Variants in PLXNA2 observed in about 807,000 individuals in gnomAD.
PLXNA2 encodes the protein plexin-A2.
PLXNA2 carries 91 observed loss-of-function variants against 193.5 expected under a neutral mutation model. The ratio of observed to expected loss-of-function variants is 0.47; its 90% CI spans 0.40 to 0.56. The LOEUF is 0.56. Ranked by LOEUF, PLXNA2 falls within the 20% of genes least tolerant of loss-of-function variation. The probability of loss-of-function intolerance (pLI) is 0.00; values close to 1 mark genes in which losing one functional copy is unlikely to be tolerated. For missense variants in PLXNA2, 1,995 were observed against 2,503.2 expected (o/e 0.80, Z 4.33); for synonymous variants, 997 against 1,027.3 (o/e 0.97, Z 0.56).
intron 2 of PLXNA2, among the ~76,000 whole-genome samples, chr1:208,211,209 T>C (rs987995057): frequency 6.6e-6 from 1 of 152,242 alleles, no homozygotes; most frequent in African/African-American, 2.4e-5. Flanking sequence ...TTGTGTTAAG[T>C]TGTCCAACTC....
At chr1:208,139,484 C>G (rs1203022462) in intron 4 of PLXNA2, among the ~76,000 whole-genome samples, 1 of 152,126 alleles carries the variant, frequency 6.6e-6, no homozygotes, top group Admixed American at 6.5e-5. Flanking sequence ...AAGAAATTCC[C>G]CCTTTATTGT....
At chr1:208,222,470 A>G (rs1671370012) in intron 1 of PLXNA2, among the ~76,000 whole-genome samples, 1 of 152,136 alleles carries the variant, frequency 6.6e-6, no homozygotes, top group African/African-American at 2.4e-5. Context: ...AGGAGAGGCC[A>G]CGCTTGCCTC....
chr1:208,035,929 G>A (rs1558156959), intron 26 of PLXNA2, among the ~76,000 whole-genome samples: 1 of 152,198 alleles, frequency 6.6e-6, no homozygotes, highest in Non-Finnish European at 1.5e-5. Context: ...AGCCTGGGAA[G>A]TTTTTTAACA....
rs759059260 is a variant in PLXNA2, at chr1:208,051,083, T to C, written c.3181A>G (p.Ile1061Val). 3.1e-6 allele frequency: 5 copies of C among 1,614,102 alleles called. No homozygotes were observed. Among genetic ancestry groups the C allele is most frequent in the Admixed American group, 1.7e-5 (1 of 60,020 alleles). ...SIASGHTPLT[I>V]TGFNLDVIQE... ...ATGACATCCAGGTTGAAGCCTGTGA[T>C]GGTCAGGGGTGTGTGGCCACTGAAA... The change falls in exon 17 of 32, where the codon ATC (isoleucine) becomes GTC (valine). Residue 1061 changes from isoleucine (I) to valine (V), a missense_variant. Ile to Val is a conservative substitution (Grantham distance 29). This residue lies in a region of PLXNA2 where 1,291 missense variants were observed against 1,673.6 expected (regional missense o/e 0.77). Coordinates refer to ENST00000367033, the MANE Select transcript of PLXNA2 (RefSeq NM_025179.4).
intron 26 of PLXNA2, among the ~76,000 whole-genome samples, chr1:208,035,517 G>C (rs564468184): frequency 3.9e-5 from 6 of 152,164 alleles, no homozygotes; most frequent in Non-Finnish European, 7.3e-5. Context: ...CTGCAGGAGA[G>C]GGCGGATAAG....
chr1:208,167,839 C>T (rs1669359407), intron 3 of PLXNA2, among the ~76,000 whole-genome samples: 1 of 152,212 alleles, frequency 6.6e-6, no homozygotes, highest in Non-Finnish European at 1.5e-5. Flanking sequence ...CACACATACA[C>T]AGACTCAGCA....
intron 3 of PLXNA2, among the ~76,000 whole-genome samples, chr1:208,155,098 C>T (rs1668897095): frequency 2.0e-5 from 3 of 152,086 alleles, no homozygotes; most frequent in South Asian, 2.1e-4. Context: ...GGAGGAGGAG[C>T]GGGAGGCAGC....
intron 17 of PLXNA2, among the ~76,000 whole-genome samples, chr1:208,050,493 A>G (rs1158054129): frequency 6.6e-6 from 1 of 152,220 alleles, no homozygotes; most frequent in African/African-American, 2.4e-5. Context: ...TGATACACTC[A>G]CTATATCACC....
intron 12 of PLXNA2, among the ~76,000 whole-genome samples, chr1:208,077,843 G>A (rs144247000): frequency 7.8e-4 from 119 of 152,282 alleles, no homozygotes; most frequent in African/African-American, 2.8e-3. Flanking sequence ...TTGAAAGGCA[G>A]TGTCTGTGCT....
intron 1 of PLXNA2, among the ~76,000 whole-genome samples, chr1:208,241,370 C>G (rs1383235554): frequency 6.6e-6 from 1 of 152,194 alleles, no homozygotes; most frequent in African/African-American, 2.4e-5. Flanking sequence ...GGTATTCAGA[C>G]TAGCTCTGAA....
chr1:208,124,183 CAAAG>C (rs904818483), intron 4 of PLXNA2, among the ~76,000 whole-genome samples: 30 of 152,122 alleles, frequency 2.0e-4, no homozygotes, highest in African/African-American at 7.0e-4. Context: ...CTCATGAACA[CAAAG>C]AAGGGAACAA....
At chr1:208,242,516 G>A (rs113362367) in intron 1 of PLXNA2, among the ~76,000 whole-genome samples, 1,635 of 152,294 alleles carry the variant, frequency 0.011, 30 homozygotes, top group African/African-American at 0.036. Flanking sequence ...CTGCCTTCAT[G>A]TCCCTTGTGC....
In PLXNA2 at chr1:208,061,686, G is replaced by A. The variant is rs541628140; in HGVS notation, c.2587-849C>T. ...TCCTTAATTCAGACCCCAAACACTG[G>A]AAACAGAATAGCAGAATCCAGGTCT... On this transcript the variant is annotated intron_variant, in intron 12 of 31. Coordinates refer to ENST00000367033, the MANE Select transcript of PLXNA2 (RefSeq NM_025179.4). Among the ~76,000 whole-genome samples, 15 of 152,296 alleles carry A rather than the reference G, an allele frequency of 9.8e-5. No individual in the cohort carries two copies. In the East Asian group the frequency reaches 1.4e-3, roughly 14 times the overall value.
intron 4 of PLXNA2, among the ~76,000 whole-genome samples, chr1:208,139,908 G>A (rs894167784): frequency 6.6e-6 from 1 of 152,216 alleles, no homozygotes; most frequent in South Asian, 2.1e-4. Context: ...CACAATTTAC[G>A]GCTCTCCAGG....
chr1:208,078,820 G>A (rs1028111627), intron 12 of PLXNA2, among the ~76,000 whole-genome samples: 1 of 152,164 alleles, frequency 6.6e-6, no homozygotes, highest in African/African-American at 2.4e-5. Flanking sequence ...CTAATGTAGT[G>A]CCTGCCTTTA....
At chr1:208,191,820 G>A (rs780465457) in intron 3 of PLXNA2, among the ~76,000 whole-genome samples, 20 of 152,328 alleles carry the variant, frequency 1.3e-4, no homozygotes, top group Admixed American at 7.2e-4. Flanking sequence ...AGGAGGTGGT[G>A]TATCAGCATG....
At chr1:208,033,264 G>T in intron 28 of PLXNA2, 55 bp downstream of exon 28, 1 of 1,472,158 alleles carries the variant, frequency 6.8e-7, no homozygotes, top group African/African-American at 1.4e-5. Context: ...GTTGTGGAGG[G>T]GCAGGATGTG....
rs777044807 is a variant in PLXNA2, at chr1:208,079,491, G to C, written c.2396-41C>G. On this transcript the variant is annotated intron_variant, in intron 11 of 31. Transcript: ENST00000367033. ...GTGGTCACAGATGAAACCAGAAAGG[G>C]CTGCTCACAATGCACCCTCCTCTTG... The C allele has an allele frequency of 2.5e-5, 37 of 1,481,398 alleles. No homozygotes were observed. In the South Asian group the frequency reaches 4.4e-4, roughly 18 times the overall value. The allele number at this position is 1,481,398 out of a possible 1,614,324, so 91.8% of individuals were successfully genotyped here.
At position 208,216,747 on chromosome 1, in the gene PLXNA2, C is replaced by T; in HGVS notation, c.1176G>A (p.Gln392=). The change falls in exon 2 of 32, where the codon CAG becomes CAA. Residue 392 remains glutamine, a synonymous_variant. Transcript: ENST00000367033. ...TGTGCCTCCTTACCGCCTTGGTGCA[C>T]TGGACGTCCTTCCCCAGCAGCCAGT... is the stretch of plus-strand genomic sequence containing the variant. The part of the protein sequence containing the change: ...ELNWLLGKDV[Q]CTKAPVPIDD... 6.2e-7 allele frequency: 1 copy of T among 1,612,878 alleles called. No homozygotes were observed. Among genetic ancestry groups the T allele is most frequent in the African/African-American group, 1.3e-5 (1 of 75,070 alleles).
Sources: allele counts gnomAD v4.1 joint callset (sites outside exome capture counted in the v4.1 genomes callset), GRCh38; gene constraint gnomAD v4.1.1; regional missense constraint gnomAD v4.1.1; transcripts MANE v1.5; gene names NCBI Gene and HGNC (gene_info 2026-07-23, HGNC 2026-07-21).